The following R3HCC1L variants were observed in gnomAD, a reference collection of about 807,000 sequenced individuals.
R3HCC1L encodes the protein coiled-coil domain-containing protein R3HCC1L.
R3HCC1L carries 51 observed loss-of-function variants against 59.9 expected under a neutral mutation model. The ratio of observed to expected loss-of-function variants is 0.85; its 90% confidence interval spans 0.68 to 1.07. The LOEUF is 1.07. R3HCC1L is among the 50% of genes least tolerant of loss of function. The pLI is 0.00. For missense variants in R3HCC1L, 965 were observed against 933.0 expected (o/e 1.03, Z -0.45); for synonymous variants, 322 against 315.2 (o/e 1.02, Z -0.23).
intron 1 of R3HCC1L, among the ~76,000 whole-genome samples, chr10:98,147,140 T>C (rs1845738251): frequency 6.6e-6 from 1 of 152,206 alleles, no homozygotes; most frequent in Non-Finnish European, 1.5e-5. Flanking sequence ...GGTTTTTGAT[T>C]TGTATTTCTC....
In R3HCC1L at chr10:98,154,274, T is replaced by A. The variant is rs116038337; in HGVS notation, c.-267-1819T>A. Among the ~76,000 whole-genome samples the A allele has an allele frequency of 1.9e-3, 286 of 150,286 alleles. 2 individuals carry two copies. The highest frequency in any genetic ancestry group is 6.4e-3 in the African/African-American group (261 of 40,984). On this transcript the variant is annotated intron_variant, in intron 1 of 9. Transcript: ENST00000298999. Reference sequence around the variant, plus strand: ...CCCATGTGAGGCATTGTGGGGAGCCTCCCATTGGTGTATCCAGCGTGTACA... The same window carrying A: ...CCCATGTGAGGCATTGTGGGGAGCCACCCATTGGTGTATCCAGCGTGTACA...
At chr10:98,154,905 T>C (rs1483904486) in intron 1 of R3HCC1L, among the ~76,000 whole-genome samples, 1 of 152,236 alleles carries the variant, frequency 6.6e-6, no homozygotes, top group Middle Eastern at 3.2e-3. Flanking sequence ...GGATTATCAG[T>C]TTCTCATAAA....
chr10:98,213,714 A>C (rs57321612), intron 5 of R3HCC1L, among the ~76,000 whole-genome samples: 253 of 152,270 alleles, frequency 1.7e-3, no homozygotes, highest in African/African-American at 5.9e-3. Context: ...TTTTAGATTT[A>C]TTTAAAAAAT....
intron 5 of R3HCC1L, among the ~76,000 whole-genome samples, chr10:98,220,913 C>CA (rs1262856185): frequency 2.8e-5 from 4 of 144,208 alleles, no homozygotes; most frequent in Non-Finnish European, 4.6e-5. Context: ...ATGGCTGGGT[C>CA]AAATGGTATT....
In R3HCC1L at chr10:98,209,212, G is replaced by A; in HGVS notation, c.1098G>A (p.Lys366=). The A allele has an allele frequency of 6.2e-7, 1 of 1,613,778 alleles. No individual in the cohort carries two copies. The part of the protein sequence containing the change: ...AHETHRDSGF[K]NVGDITNKAC... ...AAACACATAGAGATAGTGGATTTAA[G>A]AATGTAGGTGACATTACCAATAAAG... The change falls in exon 5 of 10, where the codon AAG becomes AAA. Residue 366 remains lysine (K), a synonymous_variant. Transcript: ENST00000298999.
chr10:98,145,841 C>G (rs1440488709), intron 1 of R3HCC1L, among the ~76,000 whole-genome samples: 1 of 151,544 alleles, frequency 6.6e-6, no homozygotes, highest in African/African-American at 2.4e-5. Flanking sequence ...CCCAGCTACT[C>G]GGGAGGCTGA....
intron 4 of R3HCC1L, among the ~76,000 whole-genome samples, chr10:98,187,053 A>G (rs1590623188): frequency 1.3e-5 from 2 of 152,138 alleles, no homozygotes; most frequent in African/African-American, 4.8e-5. Flanking sequence ...GAGATGATGT[A>G]TACAAGCACT....
intron 4 of R3HCC1L, among the ~76,000 whole-genome samples, chr10:98,206,785 T>C (rs1207334089): frequency 1.3e-5 from 2 of 152,226 alleles, no homozygotes; most frequent in Non-Finnish European, 2.9e-5. Context: ...TCAGTACTTC[T>C]GTCTTTGAAA....
intron 1 of R3HCC1L, among the ~76,000 whole-genome samples, chr10:98,155,270 A>C (rs953652054): frequency 6.6e-6 from 1 of 152,212 alleles, no homozygotes; most frequent in Non-Finnish European, 1.5e-5. Flanking sequence ...CTGATCATTA[A>C]TGAATTTGTA....
At chr10:98,193,332 C>T (rs375768706) in intron 4 of R3HCC1L, among the ~76,000 whole-genome samples, 2 of 151,826 alleles carry the variant, frequency 1.3e-5, no homozygotes, top group South Asian at 4.2e-4. Context: ...GTAAGATTAT[C>T]CCTAATCACA....
rs1379881040 is a variant in R3HCC1L, at chr10:98,162,960, A to AGCCT, written c.-134_-133insCCTG. 1 of 152,566 alleles carries AGCCT rather than the reference A, an allele frequency of 6.6e-6. No homozygotes were observed. The highest frequency in any genetic ancestry group is 2.4e-5 in the African/African-American group (1 of 41,398). The allele number at this position is 152,566 out of a possible 1,614,324, so 9.5% of individuals were successfully genotyped here. A position where few individuals can be genotyped will look rare whatever the true frequency, so the allele number is the denominator to read the frequency against. The stretch of plus-strand genomic sequence containing the variant: ...TGGTCTGCCTGCCTCGGCTTCCCAA[A>AGCCT]GTGCTGGGATTACAGGTATGAGCCA... On this transcript the variant is annotated 5_prime_UTR_variant, in exon 3 of 10. Coordinates refer to ENST00000298999, the MANE Select transcript of R3HCC1L (RefSeq NM_001351015.2).
In R3HCC1L at chr10:98,163,368, A is replaced by G. The variant is rs2134209143; in HGVS notation, c.-44A>G. ...GTCTATCGGCATGTTGTAGAGTTTTATTACTAAGAAAATAAATGTTACTTA... is the reference window on the plus strand; with the variant it reads ...GTCTATCGGCATGTTGTAGAGTTTTGTTACTAAGAAAATAAATGTTACTTA... On this transcript the variant is annotated 5_prime_UTR_variant, in exon 4 of 10. Transcript: ENST00000298999. 2 of 1,341,688 alleles carry G rather than the reference A, an allele frequency of 1.5e-6. No individual in the cohort carries two copies. Among genetic ancestry groups the G allele is most frequent in the East Asian group, 2.6e-5 (1 of 37,814 alleles). 83.1% of individuals were successfully genotyped at this position (1,341,688 alleles called of 1,614,324 possible). A position where few individuals can be genotyped will look rare whatever the true frequency, so the allele number is the denominator to read the frequency against.
intron 4 of R3HCC1L, among the ~76,000 whole-genome samples, chr10:98,172,926 A>C (rs1457603549): frequency 6.6e-6 from 1 of 152,128 alleles, no homozygotes; most frequent in African/African-American, 2.4e-5. Flanking sequence ...TTCGGTGGGG[A>C]ATTTTTTTGC....
intron 1 of R3HCC1L, among the ~76,000 whole-genome samples, chr10:98,142,238 C>T (rs564558068): frequency 1.1e-4 from 16 of 152,126 alleles, no homozygotes; most frequent in South Asian, 2.1e-4. Flanking sequence ...GTTTTATAAA[C>T]GATATGCATG....
intron 1 of R3HCC1L, among the ~76,000 whole-genome samples, chr10:98,155,749 A>G (rs991619114): frequency 1.2e-4 from 18 of 151,416 alleles, no homozygotes; most frequent in African/African-American, 4.4e-4. Flanking sequence ...TGGCATCAAC[A>G]TATCTCTGTA....
At chr10:98,219,427 A>G (rs1854608490) in intron 5 of R3HCC1L, among the ~76,000 whole-genome samples, 1 of 152,220 alleles carries the variant, frequency 6.6e-6, no homozygotes, top group Admixed American at 6.5e-5. Flanking sequence ...GGAGAATTTA[A>G]CCCATGTACA....
Position 98,208,094 on chromosome 10 carries a change from C to T in R3HCC1L, c.-14-7C>T. The T allele has an allele frequency of 1.9e-6, 3 of 1,580,272 alleles. No homozygotes were observed. Among genetic ancestry groups the T allele is most frequent in the Non-Finnish European group, 2.6e-6 (3 of 1,167,206 alleles). ...TGTCTAATAATTAAATCATTCTTCT[C>T]TTGCAGATTGTGGTGGTGCCATGCA... On this transcript the variant is annotated splice_polypyrimidine_tract_variant and splice_region_variant and intron_variant, in intron 4 of 9. Coordinates refer to ENST00000298999, the MANE Select transcript of R3HCC1L (RefSeq NM_001351015.2).
chr10:98,152,958 C>G (rs1226110011), intron 1 of R3HCC1L, among the ~76,000 whole-genome samples: 1 of 150,146 alleles, frequency 6.7e-6, no homozygotes, highest in Non-Finnish European at 1.5e-5. Context: ...GGGGTCAGCC[C>G]CCACCCAGCC....
chr10:98,239,089 A>G (rs112042125), intron 9 of R3HCC1L, among the ~76,000 whole-genome samples: 1,667 of 152,332 alleles, frequency 0.011, 14 homozygotes, highest in South Asian at 0.04. Context: ...GGTTTCCAGC[A>G]AAGCGAAAGT....
Sources: allele counts gnomAD v4.1 joint callset (sites outside exome capture counted in the v4.1 genomes callset), GRCh38; gene constraint gnomAD v4.1.1; transcripts MANE v1.5; gene names NCBI Gene and HGNC (gene_info 2026-07-23, HGNC 2026-07-21).